Variants in GLI2 observed in about 807,000 individuals in gnomAD.
GLI2 encodes the protein GLI family zinc finger 2.
In GLI2, 22 loss-of-function variants were observed where a neutral mutation model predicts 78.9. That is an observed-to-expected ratio of 0.28 (90% CI 0.20 to 0.40). The LOEUF (loss-of-function observed/expected upper bound fraction) is 0.40, where lower values mean the gene tolerates loss of function less well. Among genes scored for constraint, GLI2 ranks in the 10% least tolerant of loss-of-function variants. The pLI is 1.00. For missense variants in GLI2, 2,097 were observed against 2,213.2 expected (o/e 0.95, Z 1.05); for synonymous variants, 974 against 963.7 (o/e 1.01, Z -0.20).
chr2:120,864,737 G>A lies in GLI2; in HGVS notation c.149-62624G>A, dbSNP rs545682131. Among the ~76,000 whole-genome samples, 9 of 152,204 alleles carry A rather than the reference G, an allele frequency of 5.9e-5. No homozygotes were observed. In the East Asian group the frequency reaches 7.7e-4, roughly 13 times the overall value. On this transcript the variant is annotated intron_variant, in intron 2 of 13. Transcript: ENST00000361492. ...GCTGGGATTACGGGCGTGAGTCACCGCGCCCGGCCCCATCCTCTCTTACCT... is the reference window on the plus strand; with the variant it reads ...GCTGGGATTACGGGCGTGAGTCACCACGCCCGGCCCCATCCTCTCTTACCT...
chr2:120,956,846 C>A (rs569759363), intron 5 of GLI2, among the ~76,000 whole-genome samples: 13 of 152,230 alleles, frequency 8.5e-5, no homozygotes, highest in African/African-American at 2.9e-4. Context: ...TCAGGGTGGG[C>A]TGCTGCCTTG....
At chr2:120,810,173 CA>C in intron 2 of GLI2, among the ~76,000 whole-genome samples, 1 of 152,224 alleles carries the variant, frequency 6.6e-6, no homozygotes, top group Non-Finnish European at 1.5e-5. Flanking sequence ...AGAGTGGCTT[CA>C]GGGGCCATTT....
Position 120,975,207 on chromosome 2 carries a change from G to A in GLI2, c.1317+98G>A, listed in dbSNP as rs547718846. 6.7e-5 allele frequency: 81 copies of A among 1,200,076 alleles called. No homozygotes were observed. The African/African-American group carries it at 1.1e-3, about 17-fold the overall frequency. 74.3% of individuals were successfully genotyped at this position (1,200,076 alleles called of 1,614,324 possible). On this transcript the variant is annotated intron_variant, in intron 9 of 13. Coordinates refer to ENST00000361492, the MANE Select transcript of GLI2 (RefSeq NM_001374353.1). ...GGCCTCTACTAGACAGAAGGGGCTG[G>A]AGGAAGAGACCCCCAGAGATGCCTG...
chr2:120,848,551 G>C (rs1335260967), intron 2 of GLI2, among the ~76,000 whole-genome samples: 3 of 152,186 alleles, frequency 2.0e-5, no homozygotes, highest in Non-Finnish European at 4.4e-5. Flanking sequence ...TCCTATTCTT[G>C]GCAACTTTTG....
At chr2:120,862,357 CTGT>C (rs1687940094) in intron 2 of GLI2, among the ~76,000 whole-genome samples, 1 of 152,200 alleles carries the variant, frequency 6.6e-6, no homozygotes, top group Non-Finnish European at 1.5e-5. Flanking sequence ...CAGGCTCCTG[CTGT>C]GTGCCAGGCA....
chr2:120,892,448 A>C (rs1004834487), intron 2 of GLI2, among the ~76,000 whole-genome samples: 5 of 152,212 alleles, frequency 3.3e-5, no homozygotes, highest in Admixed American at 6.5e-5. Flanking sequence ...ATCCTGTCCC[A>C]GCTAGCCAGG....
intron 1 of GLI2, among the ~76,000 whole-genome samples, chr2:120,744,197 G>T (rs374991876): frequency 1.9e-4 from 29 of 152,344 alleles, no homozygotes; most frequent in East Asian, 1.2e-3. Flanking sequence ...AATTGAGGTC[G>T]TTGCAGTCTG....
intron 2 of GLI2, among the ~76,000 whole-genome samples, chr2:120,920,534 A>G (rs576020503): frequency 6.6e-6 from 1 of 152,290 alleles, no homozygotes; most frequent in Non-Finnish European, 1.5e-5. Flanking sequence ...GAAGACCATT[A>G]CACCCAGTAC....
rs188779640 is a variant in GLI2 at position 120,974,487 on chromosome 2, G to A, written c.1183-488G>A. ...GGAATGTCTCAGGGGTCTTTCCTTC[G>A]CCTCATTAAAATGGCCACATGGGCC... On this transcript the variant is annotated intron_variant, in intron 8 of 13. Transcript: ENST00000361492. Among the ~76,000 whole-genome samples the A allele has an allele frequency of 3.9e-5, 6 of 152,238 alleles. No homozygotes were observed. The East Asian group carries it at 5.8e-4, about 15-fold the overall frequency.
chr2:120,904,581 TGAGGAAGGACCCACCTTCCCAG>T (rs1678425193), intron 2 of GLI2, among the ~76,000 whole-genome samples: 1 of 152,158 alleles, frequency 6.6e-6, no homozygotes, highest in Non-Finnish European at 1.5e-5. Context: ...GCACTGTGAC[TGAGGAAGGACCCACCTTCCCAG>T]GAGGAGGGAC....
rs188557697 is a variant in GLI2, at chr2:120,773,597, G to A, written c.-30-23694G>A. 3.3e-3 allele frequency among the ~76,000 whole-genome samples: 504 copies of A among 152,314 alleles called. 1 individual carries two copies. The highest frequency in any genetic ancestry group is 0.011 in the African/African-American group (468 of 41,566). On this transcript the variant is annotated intron_variant, in intron 1 of 13. Coordinates refer to ENST00000361492, the MANE Select transcript of GLI2 (RefSeq NM_001374353.1). ...GCTGAAGAGGGATGATAGGCCCTGC[G>A]CGTCTGTTGCGTGCTTGGGTACAGT...
intron 4 of GLI2, among the ~76,000 whole-genome samples, chr2:120,954,780 C>G (rs1681160708): frequency 6.6e-6 from 1 of 152,188 alleles, no homozygotes; most frequent in Non-Finnish European, 1.5e-5. Flanking sequence ...AGGCCAGGAG[C>G]TTTATCTGGC....
intron 2 of GLI2, among the ~76,000 whole-genome samples, chr2:120,873,450 C>T (rs1252196638): frequency 2.0e-5 from 3 of 152,184 alleles, no homozygotes; most frequent in South Asian, 2.1e-4. Flanking sequence ...ATTTGACAGA[C>T]CTCTTTGCTG....
At chr2:120,908,486 T>G (rs1481962751) in intron 2 of GLI2, among the ~76,000 whole-genome samples, 1 of 152,170 alleles carries the variant, frequency 6.6e-6, no homozygotes, top group East Asian at 1.9e-4. Flanking sequence ...AGTCATCCAC[T>G]GTGGGTCCCT....
At chr2:120,939,538 A>C (rs1172681430) in intron 3 of GLI2, among the ~76,000 whole-genome samples, 1 of 152,178 alleles carries the variant, frequency 6.6e-6, no homozygotes, top group African/African-American at 2.4e-5. Flanking sequence ...TTGCTTTGTC[A>C]TGCTTTATAT....
chr2:120,935,838 G>A (rs1300572259), intron 3 of GLI2, among the ~76,000 whole-genome samples: 3 of 152,204 alleles, frequency 2.0e-5, no homozygotes, highest in African/African-American at 2.4e-5. Flanking sequence ...AAAGTTTAAC[G>A]AGGAGCGTGT....
At chr2:120,878,893 A>G (rs1688896392) in intron 2 of GLI2, among the ~76,000 whole-genome samples, 2 of 151,730 alleles carry the variant, frequency 1.3e-5, no homozygotes, top group African/African-American at 4.8e-5. Context: ...ACACCACTGC[A>G]CTCCAGCCTG....
intron 1 of GLI2, among the ~76,000 whole-genome samples, chr2:120,752,393 C>A (rs2104633958): frequency 6.6e-6 from 1 of 151,866 alleles, no homozygotes; most frequent in Non-Finnish European, 1.5e-5. Context: ...GCCTCAACCT[C>A]CCGAGTAGCT....
chr2:120,853,490 C>T (rs577939596), intron 2 of GLI2, among the ~76,000 whole-genome samples: 9 of 152,224 alleles, frequency 5.9e-5, no homozygotes, highest in African/African-American at 1.9e-4. Flanking sequence ...CTAGCAGGAG[C>T]AGCAGGCCTG....
Sources: gnomAD v4.1 joint callset for allele counts (sites outside exome capture counted in the v4.1 genomes callset) on GRCh38, gnomAD v4.1.1 for gene constraint, MANE v1.5 for transcripts, NCBI Gene and HGNC (gene_info 2026-07-23, HGNC 2026-07-21) for gene names.